The following DOCK3 variants were observed in gnomAD, a reference collection of about 807,000 sequenced individuals.
The protein encoded by DOCK3 is dedicator of cytokinesis protein 3.
A neutral mutation model predicts 265.6 loss-of-function variants in DOCK3; 60 were observed. The observed-to-expected ratio is 0.23, with a 90% CI of 0.18 to 0.28. The LOEUF (loss-of-function observed/expected upper bound fraction) is 0.28, where lower values mean the gene tolerates loss of function less well. Ranked by LOEUF, DOCK3 falls within the 10% of genes least tolerant of loss-of-function variation. The pLI, the probability that DOCK3 is intolerant of heterozygous loss-of-function variation, is 1.00. For synonymous variants in DOCK3, 881 were observed against 938.0 expected (o/e 0.94, Z 1.11); for missense variants, 1,981 against 2,594.3 (o/e 0.76, Z 5.14).
In DOCK3 at chr3:51,229,495, T is replaced by C. The variant is rs1267767327; in HGVS notation, c.1820-17T>C. 5 of 1,557,340 alleles carry C rather than the reference T, an allele frequency of 3.2e-6. No individual in the cohort carries two copies. Among genetic ancestry groups the C allele is most frequent in the Non-Finnish European group, 4.3e-6 (5 of 1,155,348 alleles). On this transcript the variant is annotated splice_polypyrimidine_tract_variant and intron_variant, in intron 18 of 52. Coordinates refer to ENST00000266037, the MANE Select transcript of DOCK3 (RefSeq NM_004947.5). Reference sequence around the variant, plus strand: ...CCAGGTTTCAAGGGTTCCTCATCTTTTGGGCTTGCTTTCTAGTGGACCTCC... The same window carrying C: ...CCAGGTTTCAAGGGTTCCTCATCTTCTGGGCTTGCTTTCTAGTGGACCTCC...
At chr3:50,795,899 T>C (rs569757076) in intron 2 of DOCK3, among the ~76,000 whole-genome samples, 12 of 152,348 alleles carry the variant, frequency 7.9e-5, no homozygotes, top group Admixed American at 1.3e-4. Flanking sequence ...ATCATTTTAT[T>C]GTGATACTTA....
chr3:51,080,480 GA>G (rs1326582411), intron 7 of DOCK3, among the ~76,000 whole-genome samples: 1 of 152,190 alleles, frequency 6.6e-6, no homozygotes, highest in Non-Finnish European at 1.5e-5. Flanking sequence ...TGATTACACT[GA>G]AAAGGGAGGT....
chr3:51,113,809 G>A lies in DOCK3; in HGVS notation c.746+23425G>A, dbSNP rs542346157. On this transcript the variant is annotated intron_variant, in intron 9 of 52. Coordinates refer to ENST00000266037, the MANE Select transcript of DOCK3 (RefSeq NM_004947.5). ...GAAGTTTGATTCAAAGACAAATAGC[G>A]TCAACAAAATTTGAGAGTTTGTTAG... 2.6e-5 allele frequency among the ~76,000 whole-genome samples: 4 copies of A among 152,210 alleles called. 1 individual carries two copies. The South Asian group carries it at 6.2e-4, about 24-fold the overall frequency.
intron 5 of DOCK3, among the ~76,000 whole-genome samples, chr3:51,030,001 C>A (rs2079983613): frequency 2.0e-5 from 3 of 152,002 alleles, no homozygotes; most frequent in Admixed American, 2.0e-4. Context: ...CGCTCTCCAG[C>A]AGTTTGGCAG....
At chr3:51,321,000 G>A (rs961441704) in intron 32 of DOCK3, among the ~76,000 whole-genome samples, 2 of 152,212 alleles carry the variant, frequency 1.3e-5, no homozygotes, top group Non-Finnish European at 2.9e-5. Flanking sequence ...GCCTCCTCAA[G>A]TGGGTCCCTG....
intron 5 of DOCK3, among the ~76,000 whole-genome samples, chr3:51,011,101 G>A (rs2078931738): frequency 6.6e-6 from 1 of 151,988 alleles, no homozygotes. Context: ...ATGTGTCTTG[G>A]AGTTGCTCTT....
chr3:51,277,304 C>T (rs1032944288), intron 25 of DOCK3, among the ~76,000 whole-genome samples: 7 of 152,212 alleles, frequency 4.6e-5, no homozygotes, highest in Non-Finnish European at 1.0e-4. Flanking sequence ...AAACATTTAA[C>T]TCAAGATCTT....
chr3:50,857,309 T>C lies in DOCK3; in HGVS notation c.162+15594T>C, dbSNP rs9878306. Among the ~76,000 whole-genome samples the C allele has an allele frequency of 2.8e-3, 426 of 152,360 alleles. 3 individuals are homozygous for C. The highest frequency in any genetic ancestry group is 9.8e-3 in the African/African-American group (408 of 41,588). ...TGTGAATCTGCCTGGTCCAGGGCTT[T>C]TTTTGCTTGGTAGGTTTTTTATTAC... On this transcript the variant is annotated intron_variant, in intron 3 of 52. Transcript: ENST00000266037.
intron 5 of DOCK3, among the ~76,000 whole-genome samples, chr3:51,018,262 A>G (rs1230302899): frequency 2.0e-5 from 3 of 151,654 alleles, no homozygotes; most frequent in Admixed American, 1.3e-4. Flanking sequence ...CTGCTGAGCA[A>G]TTACTAACAT....
chr3:50,880,336 G>A (rs1267331413), intron 3 of DOCK3, among the ~76,000 whole-genome samples: 4 of 152,146 alleles, frequency 2.6e-5, no homozygotes, highest in Non-Finnish European at 2.9e-5. Flanking sequence ...ATGAAGCCAG[G>A]AGCTGGTTTT....
At chr3:51,342,470 G>A (rs2085304678) in intron 38 of DOCK3, among the ~76,000 whole-genome samples, 1 of 152,220 alleles carries the variant, frequency 6.6e-6, no homozygotes, top group African/African-American at 2.4e-5. Context: ...CTCACATGCA[G>A]TTTTAGGCCT....
chr3:50,920,512 C>T (rs1035715528), intron 4 of DOCK3, among the ~76,000 whole-genome samples: 2 of 152,130 alleles, frequency 1.3e-5, no homozygotes, highest in Admixed American at 6.6e-5. Context: ...TCCATTTCTT[C>T]TAGATTTTCT....
chr3:50,906,867 T>C (rs2049539099), intron 4 of DOCK3, among the ~76,000 whole-genome samples: 1 of 152,146 alleles, frequency 6.6e-6, no homozygotes, highest in Non-Finnish European at 1.5e-5. Flanking sequence ...GTTTTAGATC[T>C]TTCCTGTTTT....
At chr3:51,189,238 A>G (rs2087795185) in intron 12 of DOCK3, among the ~76,000 whole-genome samples, 1 of 152,120 alleles carries the variant, frequency 6.6e-6, no homozygotes, top group Non-Finnish European at 1.5e-5. Context: ...CTTTTGAGAA[A>G]TTCTGTTCAG....
chr3:50,837,498 C>T (rs2107204267), intron 2 of DOCK3, among the ~76,000 whole-genome samples: 1 of 152,236 alleles, frequency 6.6e-6, no homozygotes, highest in East Asian at 1.9e-4. Flanking sequence ...TGGGAACTCA[C>T]TATTATGAGA....
chr3:50,812,386 G>A (rs2043812400), intron 2 of DOCK3, among the ~76,000 whole-genome samples: 1 of 152,170 alleles, frequency 6.6e-6, no homozygotes, highest in Non-Finnish European at 1.5e-5. Flanking sequence ...TGTTTATAGG[G>A]TTGTATTAGT....
At chr3:50,787,192 T>A in intron 2 of DOCK3, 1 of 627,208 alleles carries the variant, frequency 1.6e-6, no homozygotes, top group Non-Finnish European at 2.9e-6. Flanking sequence ...TTGCCACATT[T>A]ATCACAAATC....
intron 2 of DOCK3, among the ~76,000 whole-genome samples, chr3:50,798,736 A>G (rs2042919350): frequency 6.6e-6 from 1 of 152,064 alleles, no homozygotes; most frequent in Non-Finnish European, 1.5e-5. Flanking sequence ...TTCATTTTAT[A>G]TAATCCAGTT....
intron 14 of DOCK3, among the ~76,000 whole-genome samples, chr3:51,224,294 A>G (rs545667510): frequency 1.3e-5 from 2 of 152,344 alleles, no homozygotes; most frequent in East Asian, 1.9e-4. Flanking sequence ...GCAAGATTGC[A>G]TACCTGGGAT....
Sources: gnomAD v4.1 joint callset for allele counts (sites outside exome capture counted in the v4.1 genomes callset) on GRCh38, gnomAD v4.1.1 for gene constraint, MANE v1.5 for transcripts, NCBI Gene and HGNC (gene_info 2026-07-23, HGNC 2026-07-21) for gene names.